Variants in ROBO2 observed in about 807,000 individuals in gnomAD.
ROBO2 encodes the protein roundabout guidance receptor 2, also known as roundabout homolog 2.
A neutral mutation model predicts 160.8 loss-of-function variants in ROBO2; 53 were observed. The ratio of observed to expected loss-of-function variants is 0.33; its 90% CI spans 0.26 to 0.41. The LOEUF is 0.41. Among genes scored for constraint, ROBO2 ranks in the 10% least tolerant of loss-of-function variants. The probability of loss-of-function intolerance (pLI) is 1.00; values close to 1 mark genes in which losing one functional copy is unlikely to be tolerated. For synonymous variants in ROBO2, 664 were observed against 611.7 expected (o/e 1.09, Z -1.26); for missense variants, 1,577 against 1,722.4 (o/e 0.92, Z 1.49).
intron 2 of ROBO2, among the ~76,000 whole-genome samples, chr3:77,010,566 T>G (rs2061824687): frequency 6.6e-6 from 1 of 152,098 alleles, no homozygotes; most frequent in Admixed American, 6.5e-5. Flanking sequence ...TCTCAGTCCT[T>G]TGTTTTCTTG....
rs112600113 is a variant in ROBO2, at chr3:76,561,462, A to T, written c.110-536552A>T. ...GCAAACCCCTTTCTTTTCTGCCTTA[A>T]TTGGATCAACCTGAACTGAAAATGC... On this transcript the variant is annotated intron_variant, in intron 2 of 26. Coordinates refer to the ROBO2 transcript ENST00000487694. Among the ~76,000 whole-genome samples, 1,265 of 152,276 alleles carry T rather than the reference A, an allele frequency of 8.3e-3. 19 individuals are homozygous for T. The highest frequency in any genetic ancestry group is 0.028 in the African/African-American group (1,164 of 41,570).
intron 2 of ROBO2, among the ~76,000 whole-genome samples, chr3:77,299,312 C>T (rs1046140509): frequency 6.6e-6 from 1 of 152,116 alleles, no homozygotes; most frequent in East Asian, 1.9e-4. Context: ...TAAGAGAGAG[C>T]GAAGACTAGT....
chr3:76,563,545 ATAAT>A (rs768578379), intron 2 of ROBO2, among the ~76,000 whole-genome samples: 1 of 152,294 alleles, frequency 6.6e-6, no homozygotes, highest in South Asian at 2.1e-4. Flanking sequence ...ATATGGGAAA[ATAAT>A]TAGTTTGAAT....
intron 1 of ROBO2, among the ~76,000 whole-genome samples, chr3:75,923,605 G>A (rs142989055): frequency 6.6e-6 from 1 of 152,218 alleles, no homozygotes; most frequent in Non-Finnish European, 1.5e-5. Context: ...AGAGGATGCT[G>A]TAAAGTAGCG....
chr3:77,317,197 G>A, intron 2 of ROBO2: 1 of 855,188 alleles, frequency 1.2e-6, no homozygotes. Flanking sequence ...ACCCCGGATG[G>A]AAGGCCCAGC....
chr3:77,322,647 T>G (rs1203162649), intron 2 of ROBO2, among the ~76,000 whole-genome samples: 1 of 150,844 alleles, frequency 6.6e-6, no homozygotes, highest in Non-Finnish European at 1.5e-5. Flanking sequence ...CTTGGTTGGA[T>G]GGACTATATT....
rs147285686 is a variant in ROBO2 at position 76,770,711 on chromosome 3, A to C, written c.110-327303A>C. Among the ~76,000 whole-genome samples the C allele has an allele frequency of 4.6e-5, 7 of 151,512 alleles. No homozygotes were observed. The East Asian group carries it at 1.2e-3, about 25-fold the overall frequency. ...TTAAAAACATATGCATATTTAAAAC[A>C]TTGTGTTTTTAAAAATATATTTTTC... On this transcript the variant is annotated intron_variant, in intron 2 of 26. Coordinates refer to the ROBO2 transcript ENST00000487694.
intron 2 of ROBO2, among the ~76,000 whole-genome samples, chr3:77,355,387 A>G (rs2068967830): frequency 6.6e-6 from 1 of 152,190 alleles, no homozygotes. Flanking sequence ...TAGTGTGTGT[A>G]CACCAAGAGT....
At chr3:77,589,835 A>G (rs2094138987) in intron 17 of ROBO2, among the ~76,000 whole-genome samples, 1 of 152,158 alleles carries the variant, frequency 6.6e-6, no homozygotes, top group Non-Finnish European at 1.5e-5. Flanking sequence ...CACACTTTCT[A>G]GAATTAATAA....
At chr3:77,138,378 C>T (rs924213795) in intron 2 of ROBO2, among the ~76,000 whole-genome samples, 5 of 152,092 alleles carry the variant, frequency 3.3e-5, no homozygotes, top group Admixed American at 6.6e-5. Context: ...ATCTGATTTA[C>T]GGATTTTTTT....
intron 2 of ROBO2, among the ~76,000 whole-genome samples, chr3:76,525,147 CTCTAGTACATAGAGCT>C (rs1217389853): frequency 1.3e-5 from 2 of 151,678 alleles, no homozygotes; most frequent in Non-Finnish European, 2.9e-5. Context: ...AAATATCTAG[CTCTAGTACATAGAGCT>C]TCTAGTACAT....
intron 24 of ROBO2, among the ~76,000 whole-genome samples, chr3:77,638,873 C>G (rs2095307248): frequency 8.2e-6 from 1 of 122,500 alleles, no homozygotes; most frequent in African/African-American, 3.2e-5. Flanking sequence ...GTCACCCAGG[C>G]TGGAGTGCAA....
intron 2 of ROBO2, among the ~76,000 whole-genome samples, chr3:76,701,942 C>T (rs752155150): frequency 2.6e-5 from 4 of 151,504 alleles, no homozygotes; most frequent in Non-Finnish European, 4.4e-5. Context: ...TTTATTCAGA[C>T]TTAAACAGGC....
At chr3:76,404,547 A>T (rs926348152) in intron 2 of ROBO2, among the ~76,000 whole-genome samples, 2 of 151,590 alleles carry the variant, frequency 1.3e-5, no homozygotes, top group African/African-American at 4.8e-5. Flanking sequence ...TAAGAGGCAT[A>T]GTCGATCAGG....
At chr3:76,492,523 A>G (rs1217763641) in intron 2 of ROBO2, among the ~76,000 whole-genome samples, 2 of 151,492 alleles carry the variant, frequency 1.3e-5, no homozygotes, top group African/African-American at 4.9e-5. Flanking sequence ...ATTGTCACAA[A>G]TAAGAACTTT....
At chr3:77,562,717 G>C (rs562416957) in exon 10 of ROBO2, 3 of 1,612,086 alleles carry the variant, frequency 1.9e-6, no homozygotes, top group Middle Eastern at 3.3e-4. Context: ...CTGGAGTGCA[G>C]TGCTGGATGT....
At chr3:76,661,681 A>T (rs1192684727) in intron 2 of ROBO2, among the ~76,000 whole-genome samples, 2 of 152,142 alleles carry the variant, frequency 1.3e-5, no homozygotes, top group Admixed American at 1.3e-4. Flanking sequence ...AGAAATGCTT[A>T]GGGTTAAGAT....
At chr3:76,890,058 G>A (rs1436226671) in intron 2 of ROBO2, among the ~76,000 whole-genome samples, 1 of 152,114 alleles carries the variant, frequency 6.6e-6, no homozygotes, top group Non-Finnish European at 1.5e-5. Context: ...CACTCTGCGT[G>A]TAATGAGAAG....
intron 2 of ROBO2, among the ~76,000 whole-genome samples, chr3:76,828,767 T>C (rs1382517104): frequency 6.6e-6 from 1 of 152,196 alleles, no homozygotes; most frequent in African/African-American, 2.4e-5. Flanking sequence ...TCTTATCCTT[T>C]ATGTCCTGTG....
Sources: allele counts gnomAD v4.1 joint callset (sites outside exome capture counted in the v4.1 genomes callset), GRCh38; gene constraint gnomAD v4.1.1; transcripts MANE v1.5; gene names NCBI Gene and HGNC (gene_info 2026-07-23, HGNC 2026-07-21).